Variants in CIRSR observed in about 807,000 individuals in gnomAD.
The protein encoded by CIRSR is CBF1 (RBPJ) interacting corepressor 1.
the CIRSR span, among the ~76,000 whole-genome samples, chr2:174,362,644 G>A: frequency 1.7e-5 from 2 of 119,902 alleles, no homozygotes; most frequent in Non-Finnish European, 1.6e-5. Flanking sequence ...CCGAGATCAC[G>A]CCACTGCACT....
the CIRSR span, chr2:174,351,714 G>GC: frequency 6.2e-7 from 1 of 1,611,764 alleles, no homozygotes; most frequent in Non-Finnish European, 8.5e-7. Context: ...TCCGAGGGGT[G>GC]CATCGATGGC....
the CIRSR span, chr2:174,378,918 C>G: frequency 6.3e-7 from 1 of 1,586,504 alleles, no homozygotes; most frequent in Non-Finnish European, 8.6e-7. Context: ...ATGTCTAGTG[C>G]CTACCTGAGC....
the CIRSR span, among the ~76,000 whole-genome samples, chr2:174,363,874 G>A: frequency 6.6e-6 from 1 of 152,136 alleles, no homozygotes; most frequent in Non-Finnish European, 1.5e-5. Context: ...AGATCTGGGT[G>A]GGGACACGGC....
chr2:174,360,365 G>C, the CIRSR span, among the ~76,000 whole-genome samples: 1 of 152,156 alleles, frequency 6.6e-6, no homozygotes, highest in Non-Finnish European at 1.5e-5. Context: ...TATACATTCA[G>C]AAGAGATTAT....
At chr2:174,370,179 C>A in the CIRSR span, among the ~76,000 whole-genome samples, 3 of 152,270 alleles carry the variant, frequency 2.0e-5, no homozygotes, top group Non-Finnish European at 4.4e-5. Flanking sequence ...CCCAGCAACC[C>A]CAGCTCTAGC....
chr2:174,381,675 GAAA>G, the CIRSR span: 2 of 1,521,656 alleles, frequency 1.3e-6, no homozygotes, highest in Non-Finnish European at 1.8e-6. Flanking sequence ...AAAAAAGAAA[GAAA>G]AAAAGAAACG....
chr2:174,371,156 A>C, the CIRSR span, among the ~76,000 whole-genome samples: 4 of 152,180 alleles, frequency 2.6e-5, no homozygotes, highest in Non-Finnish European at 5.9e-5. Context: ...GCTAACAGGT[A>C]TCTTTCTTGG....
At chr2:174,367,305 C>A in the CIRSR span, among the ~76,000 whole-genome samples, 1 of 152,160 alleles carries the variant, frequency 6.6e-6, no homozygotes, top group South Asian at 2.1e-4. Context: ...GGGCATTGGG[C>A]GCGGTGGCTA....
the CIRSR span, among the ~76,000 whole-genome samples, chr2:174,392,541 A>C: frequency 5.3e-5 from 8 of 152,300 alleles, no homozygotes; most frequent in Non-Finnish European, 8.8e-5. Context: ...GCAACAATAT[A>C]GGTGAAAGAT....
At chr2:174,387,360 CTTTTGTGTTAAAGAAAT>C in the CIRSR span, 1 of 183,486 alleles carries the variant, frequency 5.5e-6, no homozygotes, top group Non-Finnish European at 1.1e-5. Flanking sequence ...TGCTGGGTAT[CTTTTGTGTTAAAGAAAT>C]AAGTCTGTAA....
At chr2:174,376,533 C>T in the CIRSR span, among the ~76,000 whole-genome samples, 1 of 144,570 alleles carries the variant, frequency 6.9e-6, no homozygotes, top group Non-Finnish European at 1.5e-5. Context: ...CGCGGTGGCT[C>T]ACATCTGTAA....
the CIRSR span, chr2:174,380,306 ACAG>A: frequency 8.7e-6 from 11 of 1,264,608 alleles, no homozygotes; most frequent in Admixed American, 2.4e-4. Context: ...AAAAAATTAA[ACAG>A]CAGTTAATCA....
chr2:174,349,082 C>T, the CIRSR span: 1 of 1,556,026 alleles, frequency 6.4e-7, no homozygotes, highest in East Asian at 2.3e-5. Context: ...AAGAAGAGGA[C>T]TTATGTTTTT....
the CIRSR span, among the ~76,000 whole-genome samples, chr2:174,354,194 ACT>A: frequency 1.3e-5 from 2 of 150,110 alleles, no homozygotes; most frequent in African/African-American, 4.9e-5. Flanking sequence ...CCAACTGAAA[ACT>A]CTGTGTAGTA....
At chr2:174,367,459 A>T in the CIRSR span, among the ~76,000 whole-genome samples, 3 of 152,156 alleles carry the variant, frequency 2.0e-5, no homozygotes, top group Non-Finnish European at 4.4e-5. Context: ...GGGCGCCTGT[A>T]GTCCCAGCTA....
the CIRSR span, among the ~76,000 whole-genome samples, chr2:174,386,507 C>G: frequency 4.6e-5 from 7 of 151,522 alleles, no homozygotes; most frequent in Non-Finnish European, 8.8e-5. Flanking sequence ...AACAGTGATG[C>G]TATTGACATT....
the CIRSR span, chr2:174,370,088 A>T: frequency 7.5e-7 from 1 of 1,333,784 alleles, no homozygotes; most frequent in Non-Finnish European, 9.9e-7. Flanking sequence ...TGGTTCATCC[A>T]CTATCACTGC....
chr2:174,356,387 G>C, the CIRSR span, among the ~76,000 whole-genome samples: 1 of 152,014 alleles, frequency 6.6e-6, no homozygotes, highest in Admixed American at 6.6e-5. Context: ...AGGATCACTT[G>C]AACACAGGAG....
chr2:174,380,508 T>C, the CIRSR span: 5 of 771,856 alleles, frequency 6.5e-6, no homozygotes, highest in African/African-American at 1.8e-5. Context: ...ATTAGTTGAA[T>C]AAGACAGCTA....
Sources: allele counts gnomAD v4.1 joint callset (sites outside exome capture counted in the v4.1 genomes callset), GRCh38; gene constraint gnomAD v4.1.1; transcripts MANE v1.5; gene names NCBI Gene and HGNC (gene_info 2026-07-23, HGNC 2026-07-21).